RSU1: variants seen among roughly 807,000 people sequenced by gnomAD.
The protein encoded by RSU1 is rsu-1.
RSU1 carries 26 observed loss-of-function variants against 31.1 expected under a neutral mutation model. The ratio of observed to expected loss-of-function variants is 0.84; its 90% CI spans 0.61 to 1.16. The LOEUF is 1.16. RSU1 is among the 50% of genes most tolerant of loss of function. The pLI, the probability that RSU1 is intolerant of heterozygous loss-of-function variation, is 0.00. For synonymous variants in RSU1, 164 were observed against 136.3 expected, an observed-to-expected ratio of 1.20 and a Z score of -1.41; for missense variants, 320 against 339.1, an observed-to-expected ratio of 0.94 and a Z score of 0.44.
chr10:16,695,476 T>A (rs542529934), intron 7 of RSU1, among the ~76,000 whole-genome samples: 2 of 152,278 alleles, frequency 1.3e-5, no homozygotes, highest in East Asian at 3.9e-4. Context: ...ATGAAAACCA[T>A]TTAAAATTCT....
At chr10:16,717,190 C>T (rs995836045) in intron 7 of RSU1, among the ~76,000 whole-genome samples, 1 of 152,116 alleles carries the variant, frequency 6.6e-6, no homozygotes, top group South Asian at 2.1e-4. Flanking sequence ...CTTTGCTTCC[C>T]GCTCTGGGGC....
chr10:16,676,965 G>A (rs1835245890), intron 8 of RSU1, among the ~76,000 whole-genome samples: 1 of 152,166 alleles, frequency 6.6e-6, no homozygotes, highest in Admixed American at 6.5e-5. Flanking sequence ...GCTGGCAGTA[G>A]GAATACTGTT....
intron 8 of RSU1, among the ~76,000 whole-genome samples, chr10:16,620,581 C>T (rs936744218): frequency 2.2e-4 from 33 of 151,218 alleles, no homozygotes; most frequent in Non-Finnish European, 4.1e-4. Context: ...AAGTCTCGCT[C>T]ATGCCTGTAA....
intron 8 of RSU1, among the ~76,000 whole-genome samples, chr10:16,654,242 A>G (rs984583311): frequency 1.3e-5 from 2 of 150,592 alleles, no homozygotes; most frequent in Non-Finnish European, 2.9e-5. Flanking sequence ...ACCTCAGGTG[A>G]TCAGCTCACC....
Position 16,763,995 on chromosome 10 carries a change from G to A in RSU1, c.281+395C>T, listed in dbSNP as rs767743648. Among the ~76,000 whole-genome samples the A allele has an allele frequency of 7.2e-5, 11 of 151,954 alleles. No homozygotes were observed. In the South Asian group the frequency reaches 2.3e-3, roughly 32 times the overall value. ...TTAGGGAAAATATTCTTCCCTCCAC[G>A]GCACGAAGGTGCTTTGTAAACTATT... On this transcript the variant is annotated intron_variant, in intron 4 of 8. Transcript: ENST00000345264.
intron 8 of RSU1, among the ~76,000 whole-genome samples, chr10:16,656,675 A>G (rs1423643120): frequency 6.6e-6 from 1 of 152,244 alleles, no homozygotes; most frequent in African/African-American, 2.4e-5. Flanking sequence ...TATGGAATTA[A>G]CAGAGCTAAA....
chr10:16,619,562 T>G (rs1244653772), intron 8 of RSU1, among the ~76,000 whole-genome samples: 1 of 152,166 alleles, frequency 6.6e-6, no homozygotes, highest in Admixed American at 6.5e-5. Context: ...TTCACTGGGT[T>G]CCCTAAGGAA....
intron 2 of RSU1, among the ~76,000 whole-genome samples, chr10:16,794,392 C>T (rs1447059178): frequency 2.0e-5 from 3 of 152,174 alleles, no homozygotes; most frequent in African/African-American, 7.2e-5. Flanking sequence ...GTTAATAAAA[C>T]CTTCAAGGAC....
At chr10:16,639,380 A>G (rs1195579712) in intron 8 of RSU1, among the ~76,000 whole-genome samples, 1 of 152,226 alleles carries the variant, frequency 6.6e-6, no homozygotes, top group African/African-American at 2.4e-5. Flanking sequence ...CCTTACTATT[A>G]TATCTTCTAA....
At chr10:16,727,183 C>CA (rs1836416100) in intron 7 of RSU1, 1 of 456,270 alleles carries the variant, frequency 2.2e-6, no homozygotes, top group African/African-American at 2.0e-5. Flanking sequence ...TCATTGACTT[C>CA]AGAGTGGACT....
intron 8 of RSU1, among the ~76,000 whole-genome samples, chr10:16,642,816 C>A (rs1834468837): frequency 6.6e-6 from 1 of 152,116 alleles, no homozygotes; most frequent in South Asian, 2.1e-4. Context: ...TCAACCTTTC[C>A]AATAGTTATG....
intron 7 of RSU1, among the ~76,000 whole-genome samples, chr10:16,724,892 G>T (rs934149278): frequency 1.3e-5 from 2 of 152,242 alleles, no homozygotes; most frequent in African/African-American, 4.8e-5. Context: ...TCAATCTCAA[G>T]AAGCAATGTT....
chr10:16,632,159 A>C (rs902038844), intron 8 of RSU1, among the ~76,000 whole-genome samples: 1 of 152,144 alleles, frequency 6.6e-6, no homozygotes, highest in African/African-American at 2.4e-5. Context: ...AAGGAGAAAA[A>C]ACATGACCTC....
intron 7 of RSU1, among the ~76,000 whole-genome samples, chr10:16,723,915 T>C (rs1179677408): frequency 1.3e-5 from 2 of 152,178 alleles, no homozygotes; most frequent in Non-Finnish European, 2.9e-5. Flanking sequence ...ATGCACTTAT[T>C]CCTAAGCTAA....
chr10:16,714,173 G>C (rs1217205230), intron 7 of RSU1, among the ~76,000 whole-genome samples: 2 of 152,214 alleles, frequency 1.3e-5, no homozygotes, highest in African/African-American at 4.8e-5. Flanking sequence ...GGTGTGGCTA[G>C]CTGAGCAGCT....
intron 7 of RSU1, among the ~76,000 whole-genome samples, chr10:16,737,035 G>C (rs1419572081): frequency 2.7e-5 from 4 of 150,942 alleles, no homozygotes; most frequent in African/African-American, 9.8e-5. Flanking sequence ...GGGAGGGGAG[G>C]GGGGAAGATG....
chr10:16,701,471 G>A (rs1044686112), intron 7 of RSU1, among the ~76,000 whole-genome samples: 1 of 152,132 alleles, frequency 6.6e-6, no homozygotes, highest in Non-Finnish European at 1.5e-5. Flanking sequence ...TGTCATTCCG[G>A]CAACTGTCTG....
At chr10:16,779,865 T>C (rs1006997558) in intron 3 of RSU1, among the ~76,000 whole-genome samples, 3 of 152,174 alleles carry the variant, frequency 2.0e-5, no homozygotes, top group African/African-American at 7.2e-5. Flanking sequence ...TAGTAAAGGA[T>C]GCTAATTTGA....
chr10:16,673,069 G>C (rs1325790031), intron 8 of RSU1, among the ~76,000 whole-genome samples: 34 of 151,932 alleles, frequency 2.2e-4, no homozygotes, highest in Non-Finnish European at 1.5e-5. Context: ...ATTCTCCAAG[G>C]CTACACCTGC....
Sources: gnomAD v4.1 joint callset for allele counts (sites outside exome capture counted in the v4.1 genomes callset) on GRCh38, gnomAD v4.1.1 for gene constraint, MANE v1.5 for transcripts, NCBI Gene and HGNC (gene_info 2026-07-23, HGNC 2026-07-21) for gene names.